Variants in ZFPM2 observed in about 807,000 individuals in gnomAD.
The protein encoded by ZFPM2 is zinc finger protein, FOG family member 2, also known as zinc finger protein ZFPM2.
Under a neutral mutation model 98.6 loss-of-function variants are expected in ZFPM2, and 20 were observed. The observed-to-expected ratio is 0.20, with a 90% CI of 0.14 to 0.29. The LOEUF (loss-of-function observed/expected upper bound fraction) is 0.29, where lower values mean the gene tolerates loss of function less well. Among genes scored for constraint, ZFPM2 ranks in the 10% least tolerant of loss-of-function variants. The pLI, the probability that ZFPM2 is intolerant of heterozygous loss-of-function variation, is 1.00. For synonymous variants in ZFPM2, 518 were observed against 502.7 expected (o/e 1.03, Z -0.41); for missense variants, 1,310 against 1,388.6 (o/e 0.94, Z 0.90).
chr8:105,417,202 G>C (rs1811695425), intron 1 of ZFPM2, among the ~76,000 whole-genome samples: 2 of 151,988 alleles, frequency 1.3e-5, no homozygotes, highest in African/African-American at 4.8e-5. Flanking sequence ...TTATCAGTTG[G>C]AAACCTTATT....
At chr8:105,788,304 T>C (rs954698492) in intron 5 of ZFPM2, among the ~76,000 whole-genome samples, 4 of 152,186 alleles carry the variant, frequency 2.6e-5, no homozygotes, top group African/African-American at 9.6e-5. Flanking sequence ...AATAACTTTT[T>C]ACTTTCATAA....
intron 1 of ZFPM2, among the ~76,000 whole-genome samples, chr8:105,362,475 T>G (rs1209695584): frequency 6.6e-6 from 1 of 151,390 alleles, no homozygotes; most frequent in Non-Finnish European, 1.5e-5. Flanking sequence ...TGAGATGCTG[T>G]GATGATAGCA....
At chr8:105,330,553 C>CGTAT (rs1554594961) in intron 1 of ZFPM2, among the ~76,000 whole-genome samples, 1 of 92,410 alleles carries the variant, frequency 1.1e-5, no homozygotes, top group Non-Finnish European at 2.2e-5. Flanking sequence ...TATATATATA[C>CGTAT]ATATATATAT....
intron 1 of ZFPM2, among the ~76,000 whole-genome samples, chr8:105,341,534 T>C (rs528707076): frequency 9.9e-5 from 15 of 151,996 alleles, no homozygotes; most frequent in Non-Finnish European, 1.9e-4. Context: ...TACTGTAATG[T>C]TAACAATATA....
At chr8:105,440,754 G>C (rs963186991) in intron 2 of ZFPM2, among the ~76,000 whole-genome samples, 1 of 152,126 alleles carries the variant, frequency 6.6e-6, no homozygotes, top group Non-Finnish European at 1.5e-5. Flanking sequence ...AGCAACTGAA[G>C]ACCATCAAGA....
At chr8:105,674,135 C>G (rs548203651) in intron 5 of ZFPM2, among the ~76,000 whole-genome samples, 8 of 152,224 alleles carry the variant, frequency 5.3e-5, no homozygotes, top group African/African-American at 1.9e-4. Context: ...TAGCTCTAAT[C>G]GTAAATAATA....
intron 5 of ZFPM2, among the ~76,000 whole-genome samples, chr8:105,743,563 A>G (rs1389206836): frequency 6.6e-6 from 1 of 151,918 alleles, no homozygotes; most frequent in African/African-American, 2.4e-5. Context: ...GGGGTGTTGG[A>G]GCATGGCAGG....
intron 5 of ZFPM2, among the ~76,000 whole-genome samples, chr8:105,732,387 T>A (rs1811960505): frequency 6.6e-6 from 1 of 151,826 alleles, no homozygotes; most frequent in African/African-American, 2.4e-5. Context: ...GGTGTGACAT[T>A]TGATAAGAAA....
At chr8:105,659,436 T>C (rs894531949) in intron 5 of ZFPM2, among the ~76,000 whole-genome samples, 18 of 152,198 alleles carry the variant, frequency 1.2e-4, no homozygotes, top group African/African-American at 4.3e-4. Context: ...TGAGGGAGTG[T>C]GCTGGTTTTC....
chr8:105,800,939 G>T (rs745507155), intron 7 of ZFPM2, 108 bp from the exon 8 acceptor site: 22 of 1,057,512 alleles, frequency 2.1e-5, no homozygotes, highest in African/African-American at 3.2e-5. Flanking sequence ...AATTTTGAAA[G>T]ATTTCATTCC....
intron 1 of ZFPM2, among the ~76,000 whole-genome samples, chr8:105,323,096 A>C (rs1812058101): frequency 6.6e-6 from 1 of 151,828 alleles, no homozygotes; most frequent in African/African-American, 2.4e-5. Context: ...TTATGCAAAT[A>C]ATTGAGTATG....
chr8:105,599,855 A>G (rs1342375360), intron 4 of ZFPM2, among the ~76,000 whole-genome samples: 1 of 152,054 alleles, frequency 6.6e-6, no homozygotes, highest in African/African-American at 2.4e-5. Flanking sequence ...GCAAATTATA[A>G]ATAGTATGAA....
intron 5 of ZFPM2, among the ~76,000 whole-genome samples, chr8:105,788,153 G>C (rs894783689): frequency 6.6e-6 from 1 of 152,122 alleles, no homozygotes; most frequent in African/African-American, 2.4e-5. Flanking sequence ...GAAAATGGTA[G>C]CAGACATAGC....
At chr8:105,539,008 G>T (rs564924947) in intron 3 of ZFPM2, among the ~76,000 whole-genome samples, 2 of 152,188 alleles carry the variant, frequency 1.3e-5, no homozygotes, top group Admixed American at 1.3e-4. Context: ...AATAGAGCAA[G>T]ACCCAGTCTC....
At chr8:105,518,962 T>C (rs1462583042) in intron 3 of ZFPM2, among the ~76,000 whole-genome samples, 2 of 152,182 alleles carry the variant, frequency 1.3e-5, no homozygotes, top group East Asian at 3.8e-4. Flanking sequence ...TAAGGGGAAC[T>C]TTGCTTTAGG....
chr8:105,500,804 A>T (rs1424376219), intron 3 of ZFPM2, among the ~76,000 whole-genome samples: 1 of 152,204 alleles, frequency 6.6e-6, no homozygotes, highest in African/African-American at 2.4e-5. Flanking sequence ...TAGTTAAAAT[A>T]GTCCTTGAAA....
Position 105,410,189 on chromosome 8 carries a change from A to T in ZFPM2, c.41-8955A>T, listed in dbSNP as rs187998766. The stretch of plus-strand genomic sequence containing the variant: ...TGCAATGACTAAAACCCGATGCTAA[A>T]TTTTTTGTTGATTTTCTTCTCTAAT... On this transcript the variant is annotated intron_variant, in intron 1 of 7. Transcript: ENST00000407775. 7.2e-4 allele frequency among the ~76,000 whole-genome samples: 110 copies of T among 151,980 alleles called. 2 individuals carry two copies. The East Asian group carries it at 0.021, about 29-fold the overall frequency.
intron 1 of ZFPM2, among the ~76,000 whole-genome samples, chr8:105,394,999 T>A (rs915649333): frequency 6.6e-6 from 1 of 152,170 alleles, no homozygotes; most frequent in African/African-American, 2.4e-5. Context: ...GTAGTGTCTG[T>A]GACTAGAACT....
At chr8:105,627,832 A>G (rs1231147855) in intron 4 of ZFPM2, among the ~76,000 whole-genome samples, 2 of 152,202 alleles carry the variant, frequency 1.3e-5, no homozygotes, top group East Asian at 3.9e-4. Context: ...AAGCAAAGCC[A>G]TGTGGCCAGA....
Sources: gnomAD v4.1 joint callset for allele counts (sites outside exome capture counted in the v4.1 genomes callset) on GRCh38, gnomAD v4.1.1 for gene constraint, MANE v1.5 for transcripts, NCBI Gene and HGNC (gene_info 2026-07-23, HGNC 2026-07-21) for gene names.